The following ZNF695 variants were observed in gnomAD, a reference collection of about 807,000 sequenced individuals.
ZNF695 encodes zinc finger protein 695.
A neutral mutation model predicts 11.2 loss-of-function variants in ZNF695; 11 were observed. The observed-to-expected ratio is 0.98, with a 90% CI of 0.62 to 1.62. The LOEUF is 1.62. Among genes scored for constraint, ZNF695 ranks in the 40% most tolerant of loss-of-function variants. The pLI is 0.00. For synonymous variants in ZNF695, 190 were observed against 201.4 expected (o/e 0.94, Z 0.48); for missense variants, 559 against 590.5 (o/e 0.95, Z 0.55).
In ZNF695 at chr1:246,986,922, G is replaced by C; in HGVS notation, c.*45C>G. 2.0e-6 allele frequency: 3 copies of C among 1,521,224 alleles called. No individual in the cohort carries two copies. Among genetic ancestry groups the C allele is most frequent in the African/African-American group, 1.4e-5 (1 of 71,852 alleles). 94.2% of individuals were successfully genotyped at this position (1,521,224 alleles called of 1,614,324 possible). ...ATATTCTGCTGTGAAGTTGTGAATA[G>C]GTATTAAAGACTATGCCATATTGTT... On this transcript the variant is annotated 3_prime_UTR_variant, in exon 4 of 4. Coordinates refer to ENST00000339986, the MANE Select transcript of ZNF695 (RefSeq NM_020394.5).
intron 5 of ZNF695, among the ~76,000 whole-genome samples, chr1:246,955,892 C>A (rs1667982427): frequency 1.3e-5 from 2 of 152,064 alleles, no homozygotes; most frequent in Non-Finnish European, 2.9e-5. Context: ...TCATCACTAA[C>A]CCCTTACTTG....
At chr1:246,950,126 G>A (rs1667836664) in intron 5 of ZNF695, among the ~76,000 whole-genome samples, 1 of 152,140 alleles carries the variant, frequency 6.6e-6, no homozygotes, top group African/African-American at 2.4e-5. Flanking sequence ...TCACCAAAGA[G>A]CCTACGGATT....
intron 3 of ZNF695, among the ~76,000 whole-genome samples, chr1:246,988,808 A>C (rs969905470): frequency 2.0e-5 from 3 of 152,134 alleles, no homozygotes; most frequent in African/African-American, 7.2e-5. Flanking sequence ...ATATGACATT[A>C]GGCCGGGCGC....
rs1433083692 is a variant in ZNF695 at position 246,999,403 on chromosome 1, C to T, written c.204G>A (p.Leu68=). 2 of 1,614,016 alleles carry T rather than the reference C, an allele frequency of 1.2e-6. No homozygotes were observed. The highest frequency in any genetic ancestry group is 3.3e-5 in the Admixed American group (2 of 60,008). Residue 68 remains leucine, a synonymous_variant, in exon 3 of 4, where the codon CTG becomes CTA. Coordinates refer to ENST00000339986, the MANE Select transcript of ZNF695 (RefSeq NM_020394.5). ...AMSKPELIIC[L]EARKEPWNVN... is the part of the protein sequence containing the mutation. ...CGTTCCAGGGCTCTTTCCTTGCCTC[C>T]AGACAGATGATCAGTTCTGGCTTAG...
At chr1:247,001,871 GAC>G (rs752689747) in intron 1 of ZNF695, among the ~76,000 whole-genome samples, 1 of 152,056 alleles carries the variant, frequency 6.6e-6, no homozygotes, top group Non-Finnish European at 1.5e-5. Context: ...CCTATGAACA[GAC>G]ACAGATAACC....
intron 4 of ZNF695, chr1:246,969,709 G>A (rs1668378792): frequency 6.6e-6 from 1 of 152,206 alleles, no homozygotes. Context: ...GTCAGCTCAG[G>A]GTTCTGTGGG....
chr1:246,965,723 G>A (rs60434265), intron 5 of ZNF695, among the ~76,000 whole-genome samples: 5,667 of 151,570 alleles, frequency 0.037, 346 homozygotes, highest in African/African-American at 0.13. Flanking sequence ...AGCTGAGATC[G>A]TGCCACCAGC....
chr1:246,947,505 A>G (rs1667768502), intron 5 of ZNF695, among the ~76,000 whole-genome samples: 1 of 152,092 alleles, frequency 6.6e-6, no homozygotes. Context: ...CCTTTCCCGC[A>G]CTACTGCCAT....
chr1:247,001,606 G>A (rs1231954700), intron 1 of ZNF695, among the ~76,000 whole-genome samples: 10 of 150,576 alleles, frequency 6.6e-5, no homozygotes, highest in East Asian at 2.0e-4. Context: ...CCAGCTACTC[G>A]GGAGGCTGAG....
rs573944150 is a variant in ZNF695 at position 246,962,939 on chromosome 1, A to G, written c.488+4756T>C. On this transcript the variant is annotated intron_variant, in intron 5 of 5. Coordinates refer to the ZNF695 transcript ENST00000487338. Reference sequence around the variant, plus strand: ...TGATCCGCCCATCTGGGCCTCCCAAAGTGCTGGGATTACAGGTGTGAGCCA... The same window carrying G: ...TGATCCGCCCATCTGGGCCTCCCAAGGTGCTGGGATTACAGGTGTGAGCCA... Among the ~76,000 whole-genome samples the G allele has an allele frequency of 2.0e-5, 3 of 152,252 alleles. No individual in the cohort carries two copies. In the South Asian group the frequency reaches 6.2e-4, roughly 32 times the overall value.
intron 3 of ZNF695, among the ~76,000 whole-genome samples, chr1:246,988,564 G>GA (rs1264612818): frequency 2.6e-5 from 4 of 151,538 alleles, no homozygotes; most frequent in African/African-American, 9.7e-5. Context: ...AGTGCTGAAA[G>GA]AAAAAAAACC....
chr1:246,978,052 T>C (rs1381810568), intron 4 of ZNF695, among the ~76,000 whole-genome samples: 1 of 152,228 alleles, frequency 6.6e-6, no homozygotes, highest in Non-Finnish European at 1.5e-5. Flanking sequence ...CTAAATCTCA[T>C]GGAGCAGAAC....
chr1:246,947,302 T>C (rs1667763843), intron 5 of ZNF695, among the ~76,000 whole-genome samples: 1 of 148,980 alleles, frequency 6.7e-6, no homozygotes, highest in Non-Finnish European at 1.5e-5. Flanking sequence ...GTGTGCACCA[T>C]AGCCTCACAC....
intron 1 of ZNF695, among the ~76,000 whole-genome samples, chr1:247,007,671 C>T (rs114126489): frequency 0.096 from 14,623 of 152,024 alleles, 2,416 homozygotes; most frequent in African/African-American, 0.33. Context: ...CTGGGCCGTG[C>T]CGAAGTCACC....
intron 1 of ZNF695, among the ~76,000 whole-genome samples, chr1:247,000,879 G>A (rs945657387): frequency 6.6e-6 from 1 of 152,056 alleles, no homozygotes; most frequent in Non-Finnish European, 1.5e-5. Flanking sequence ...AGCTAACAAC[G>A]CAATGACAGG....
At chr1:246,945,861 G>A (rs536047782) in intron 5 of ZNF695, 23 of 1,549,662 alleles carry the variant, frequency 1.5e-5, no homozygotes, top group Middle Eastern at 1.7e-4. Context: ...GCAGCTTAAG[G>A]TTCCGAGTAG....
chr1:246,994,019 C>CA (rs1221723329), intron 3 of ZNF695, among the ~76,000 whole-genome samples: 1 of 151,860 alleles, frequency 6.6e-6, no homozygotes, highest in African/African-American at 2.4e-5. Flanking sequence ...ACTAAAAATA[C>CA]AAAAAAATTA....
chr1:246,953,053 A>C (rs73148612), intron 5 of ZNF695, among the ~76,000 whole-genome samples: 8,058 of 152,184 alleles, frequency 0.053, 742 homozygotes, highest in African/African-American at 0.19. Context: ...GAGGTTCCCA[A>C]TGGCTGGACT....
downstream of ZNF695, among the ~76,000 whole-genome samples, chr1:246,980,561 C>T (rs1280566038): frequency 1.3e-5 from 2 of 151,836 alleles, no homozygotes; most frequent in East Asian, 1.9e-4. Flanking sequence ...AGATTACAGG[C>T]GTGCACCACC....
Sources: allele counts gnomAD v4.1 joint callset (sites outside exome capture counted in the v4.1 genomes callset), GRCh38; gene constraint gnomAD v4.1.1; transcripts MANE v1.5; gene names NCBI Gene and HGNC (gene_info 2026-07-23, HGNC 2026-07-21).